Variants in FHIT observed in about 807,000 individuals in gnomAD.
The protein encoded by FHIT is fragile histidine triad diadenosine triphosphatase.
In FHIT, 19 loss-of-function variants were observed where a neutral mutation model predicts 17.9. The observed-to-expected ratio is 1.06, with a 90% CI of 0.74 to 1.56. FHIT has a LOEUF of 1.56. Among genes scored for constraint, FHIT ranks in the 40% most tolerant of loss-of-function variants. FHIT has a pLI of 0.00. For synonymous variants in FHIT, 81 were observed against 69.7 expected, an observed-to-expected ratio of 1.16 and a Z score of -0.81; for missense variants, 248 against 189.2, an observed-to-expected ratio of 1.31 and a Z score of -1.82.
intron 5 of FHIT, among the ~76,000 whole-genome samples, chr3:60,167,112 T>C (rs1701210140): frequency 6.6e-6 from 1 of 152,208 alleles, no homozygotes; most frequent in Admixed American, 6.5e-5. Context: ...AAAGACTGTC[T>C]TTCCCCCCTT....
intron 5 of FHIT, among the ~76,000 whole-genome samples, chr3:60,427,263 G>A (rs191311520): frequency 3.6e-4 from 55 of 152,204 alleles, no homozygotes; most frequent in Admixed American, 7.2e-4. Context: ...TGAACGCTGC[G>A]CAGTAGCCGA....
At chr3:60,979,279 G>C (rs1710388217) in intron 3 of FHIT, among the ~76,000 whole-genome samples, 1 of 152,086 alleles carries the variant, frequency 6.6e-6, no homozygotes, top group Non-Finnish European at 1.5e-5. Flanking sequence ...ATTCCCATGT[G>C]ATCCAGCTGG....
rs147338139 is a variant in FHIT, at chr3:60,040,280, G to T, written c.104-26128C>A. ...CCTGCTTCAGCCTCCCGAGTAGCTG[G>T]GATTACAGGCATGTACCACCATGCC... On this transcript the variant is annotated intron_variant, in intron 5 of 9. Coordinates refer to ENST00000492590, the MANE Select transcript of FHIT (RefSeq NM_002012.4). 8.1e-4 allele frequency among the ~76,000 whole-genome samples: 123 copies of T among 151,990 alleles called. No individual in the cohort carries two copies. The East Asian group carries it at 0.022, about 27-fold the overall frequency.
chr3:61,104,301 G>A (rs1332189176), intron 2 of FHIT, among the ~76,000 whole-genome samples: 1 of 152,108 alleles, frequency 6.6e-6, no homozygotes, highest in African/African-American at 2.4e-5. Flanking sequence ...GTCTGAAAAG[G>A]ATCTTATTTC....
At chr3:60,509,630 G>A (rs983297241) in intron 5 of FHIT, among the ~76,000 whole-genome samples, 5 of 151,642 alleles carry the variant, frequency 3.3e-5, no homozygotes, top group African/African-American at 9.7e-5. Context: ...TTTGCTATTC[G>A]CAAGTGACAG....
chr3:59,909,102 C>T (rs564929453), intron 8 of FHIT, among the ~76,000 whole-genome samples: 18 of 152,146 alleles, frequency 1.2e-4, no homozygotes, highest in Non-Finnish European at 2.2e-4. Flanking sequence ...GGCACAGTCT[C>T]GGCTCAGTGC....
intron 7 of FHIT, among the ~76,000 whole-genome samples, chr3:59,978,077 T>A (rs527786977): frequency 2.0e-5 from 3 of 152,160 alleles, no homozygotes; most frequent in African/African-American, 7.2e-5. Context: ...TCTCAGTTCA[T>A]CCTCATAATA....
At chr3:60,324,506 A>G (rs532076680) in intron 5 of FHIT, among the ~76,000 whole-genome samples, 6 of 148,376 alleles carry the variant, frequency 4.0e-5, no homozygotes, top group African/African-American at 1.5e-4. Context: ...AATGGCCTGA[A>G]CCCAGGAGGC....
At chr3:59,960,219 G>T (rs1707604665) in intron 7 of FHIT, among the ~76,000 whole-genome samples, 1 of 152,204 alleles carries the variant, frequency 6.6e-6, no homozygotes, top group Admixed American at 6.5e-5. Context: ...TGGAGATGCA[G>T]CAACCTGTAA....
At chr3:60,748,426 C>G (rs1419844387) in intron 4 of FHIT, among the ~76,000 whole-genome samples, 1 of 152,108 alleles carries the variant, frequency 6.6e-6, no homozygotes, top group South Asian at 2.1e-4. Flanking sequence ...TTCCAGGACC[C>G]TCTCTCGCCC....
At chr3:60,691,111 ATT>A (rs1408360813) in intron 4 of FHIT, among the ~76,000 whole-genome samples, 1 of 150,890 alleles carries the variant, frequency 6.6e-6, no homozygotes, top group Non-Finnish European at 1.5e-5. Context: ...AGTCCCTTCA[ATT>A]TTTGTTTTTT....
chr3:59,842,010 T>C (rs970483052), intron 8 of FHIT, among the ~76,000 whole-genome samples: 1 of 152,144 alleles, frequency 6.6e-6, no homozygotes, highest in African/African-American at 2.4e-5. Context: ...TGTGCAGAAC[T>C]CTTTTTCGTC....
intron 5 of FHIT, among the ~76,000 whole-genome samples, chr3:60,178,326 C>T (rs1701774262): frequency 1.3e-5 from 2 of 152,148 alleles, no homozygotes; most frequent in Admixed American, 6.5e-5. Context: ...ATGGCTCACA[C>T]CTGTAATCCC....
intron 7 of FHIT, among the ~76,000 whole-genome samples, chr3:60,005,597 A>T (rs12486471): frequency 0.1 from 15,231 of 152,214 alleles, 913 homozygotes; most frequent in Admixed American, 0.13. Flanking sequence ...TTACCAACCC[A>T]GTCAAACTGG....
At chr3:60,776,513 G>A (rs1213531376) in intron 4 of FHIT, among the ~76,000 whole-genome samples, 3 of 152,168 alleles carry the variant, frequency 2.0e-5, no homozygotes, top group Admixed American at 1.3e-4. Flanking sequence ...ATGCAGGTCA[G>A]ATGCAAGGTT....
rs975012656 is a variant in FHIT, at chr3:59,748,323, G to C, written c.*1262C>G. Among the ~76,000 whole-genome samples, 2 of 152,026 alleles carry C rather than the reference G, an allele frequency of 1.3e-5. No homozygotes were observed. Among genetic ancestry groups the C allele is most frequent in the Non-Finnish European group, 2.9e-5 (2 of 67,996 alleles). ...AAAATGGGAATGAATGCAATTTGGG[G>C]AACACTGTATTCGCCCAAGTGATGT... On this transcript the variant is annotated 3_prime_UTR_variant, in exon 10 of 10. Coordinates refer to ENST00000492590, the MANE Select transcript of FHIT (RefSeq NM_002012.4).
intron 5 of FHIT, among the ~76,000 whole-genome samples, chr3:60,403,325 G>C (rs994640062): frequency 6.6e-6 from 1 of 152,128 alleles, no homozygotes; most frequent in African/African-American, 2.4e-5. Flanking sequence ...AACAGACCCT[G>C]AACTATGCAG....
At chr3:60,593,088 G>T (rs1294371051) in intron 4 of FHIT, among the ~76,000 whole-genome samples, 2 of 152,074 alleles carry the variant, frequency 1.3e-5, no homozygotes, top group Non-Finnish European at 2.9e-5. Context: ...AACATCTAGG[G>T]GGAAAATGTG....
chr3:60,098,970 C>T (rs907682424), intron 5 of FHIT, among the ~76,000 whole-genome samples: 1 of 152,068 alleles, frequency 6.6e-6, no homozygotes, highest in African/African-American at 2.4e-5. Context: ...TTACACTTGT[C>T]CTAACTTCTA....
Sources: gnomAD v4.1 joint callset for allele counts (sites outside exome capture counted in the v4.1 genomes callset) on GRCh38, gnomAD v4.1.1 for gene constraint, MANE v1.5 for transcripts, NCBI Gene and HGNC (gene_info 2026-07-23, HGNC 2026-07-21) for gene names.